AGPAT3: variants seen among roughly 807,000 people sequenced by gnomAD.
The protein encoded by AGPAT3 is 1-acyl-sn-glycerol-3-phosphate acyltransferase gamma.
AGPAT3 carries 5 observed loss-of-function variants against 47.3 expected under a neutral mutation model. The ratio of observed to expected loss-of-function variants is 0.11; its 90% CI spans 0.06 to 0.22. The LOEUF is 0.22. Ranked by LOEUF, AGPAT3 falls within the 10% of genes least tolerant of loss-of-function variation. The pLI is 1.00. For missense variants in AGPAT3, 315 were observed against 493.0 expected, an observed-to-expected ratio of 0.64 and a Z score of 3.42; for synonymous variants, 212 against 208.3, an observed-to-expected ratio of 1.02 and a Z score of -0.15.
intron 2 of AGPAT3, among the ~76,000 whole-genome samples, chr21:43,916,765 G>T (rs1227384528): frequency 2.0e-5 from 3 of 152,138 alleles, no homozygotes; most frequent in South Asian, 4.1e-4. Context: ...GTATTTTAGG[G>T]AGTTGCAGAT....
chr21:43,895,178 C>T (rs974090194), intron 1 of AGPAT3, among the ~76,000 whole-genome samples: 2 of 151,664 alleles, frequency 1.3e-5, no homozygotes, highest in African/African-American at 4.8e-5. Context: ...GATCTCGGCT[C>T]ACTGCAACCT....
At chr21:43,960,227 T>C (rs1006363521) in intron 3 of AGPAT3, among the ~76,000 whole-genome samples, 1 of 152,234 alleles carries the variant, frequency 6.6e-6, no homozygotes, top group African/African-American at 2.4e-5. Flanking sequence ...CACCAGAGCA[T>C]GCTGACGCGT....
chr21:43,878,699 T>C (rs1251132585), intron 1 of AGPAT3, among the ~76,000 whole-genome samples: 4 of 152,170 alleles, frequency 2.6e-5, no homozygotes, highest in Non-Finnish European at 5.9e-5. Context: ...AGAATGACAC[T>C]GTTGTAGATG....
intron 1 of AGPAT3, among the ~76,000 whole-genome samples, chr21:43,900,929 C>T (rs767491331): frequency 1.8e-4 from 27 of 152,288 alleles, no homozygotes; most frequent in Middle Eastern, 3.4e-3. Flanking sequence ...AGTTCACAGG[C>T]ACCAAGTTCA....
rs541613365 is a variant in AGPAT3 at position 43,984,023 on chromosome 21, G to A, written c.*1631G>A. The A allele has an allele frequency of 7.2e-5, 11 of 152,292 alleles. No individual in the cohort carries two copies. The highest frequency in any genetic ancestry group is 2.7e-4 in the African/African-American group (11 of 41,468). 9.4% of individuals were successfully genotyped at this position (152,292 alleles called of 1,614,324 possible). On this transcript the variant is annotated 3_prime_UTR_variant, in exon 10 of 10. Coordinates refer to ENST00000291572, the MANE Select transcript of AGPAT3 (RefSeq NM_020132.5). ...TGATGGAGGCGCTGCCGGGCCCCGG[G>A]TCTGTGGGGGCCGTGCTCTCAGGGC...
At chr21:43,874,400 G>A (rs9981944) in intron 1 of AGPAT3, among the ~76,000 whole-genome samples, 2,822 of 152,288 alleles carry the variant, frequency 0.019, 73 homozygotes, top group African/African-American at 0.065. Context: ...ATTTTGATAT[G>A]TAATATTTTC....
At chr21:43,892,317 AAAG>A (rs1392987396) in intron 1 of AGPAT3, among the ~76,000 whole-genome samples, 2 of 151,888 alleles carry the variant, frequency 1.3e-5, no homozygotes, top group African/African-American at 4.8e-5. Context: ...CAAAAAAAAA[AAAG>A]AAAAAAAAAG....
intron 2 of AGPAT3, among the ~76,000 whole-genome samples, chr21:43,918,179 G>C (rs1000556527): frequency 5.2e-5 from 5 of 96,680 alleles, no homozygotes; most frequent in Admixed American, 1.1e-4. Context: ...GGTGTTGTGG[G>C]AGTTGTGGGT....
intron 7 of AGPAT3, among the ~76,000 whole-genome samples, chr21:43,973,704 G>C (rs2089489570): frequency 6.6e-6 from 1 of 152,270 alleles, no homozygotes; most frequent in African/African-American, 2.4e-5. Context: ...AGGAGCAGCA[G>C]TGTCCCCGCG....
rs774771258 is a variant in AGPAT3 at position 43,952,898 on chromosome 21, G to A, written c.-48-6736G>A. ...CCTGTGTGGCTCTTCTATCCCAGGC[G>A]TTCTCCAAGGTCCCCAGGGTGCTGG... On this transcript the variant is annotated intron_variant, in intron 2 of 9. Transcript: ENST00000291572. The surrounding 1 kb of genome is among the most constrained non-coding windows in gnomAD (Gnocchi z 5.6). 3.3e-5 allele frequency among the ~76,000 whole-genome samples: 5 copies of A among 152,076 alleles called. No individual in the cohort carries two copies. Among genetic ancestry groups the A allele is most frequent in the Non-Finnish European group, 5.9e-5 (4 of 68,008 alleles).
intron 1 of AGPAT3, among the ~76,000 whole-genome samples, chr21:43,895,235 G>A (rs1047852928): frequency 6.6e-6 from 1 of 150,990 alleles, no homozygotes; most frequent in Admixed American, 6.6e-5. Context: ...CTCTGATGTA[G>A]CTGGGACTAC....
chr21:43,930,281 A>G lies in AGPAT3; in HGVS notation c.-49+26262A>G, dbSNP rs564159955. Among the ~76,000 whole-genome samples, 1 of 152,190 alleles carries G rather than the reference A, an allele frequency of 6.6e-6. No homozygotes were observed. Among genetic ancestry groups the G allele is most frequent in the Admixed American group, 6.5e-5 (1 of 15,296 alleles). ...GGTGGGGTAGGGGGCTCTGGTGCCAATACCAATGCAGCCCGGTTCCCTGTC... is the reference window on the plus strand; with the variant it reads ...GGTGGGGTAGGGGGCTCTGGTGCCAGTACCAATGCAGCCCGGTTCCCTGTC... On this transcript the variant is annotated intron_variant, in intron 2 of 9. Transcript: ENST00000291572. The surrounding 1 kb of genome is among the most constrained non-coding windows in gnomAD (Gnocchi z 5.0).
intron 1 of AGPAT3, among the ~76,000 whole-genome samples, chr21:43,886,797 A>C (rs985508908): frequency 6.6e-6 from 1 of 152,192 alleles, no homozygotes; most frequent in Admixed American, 6.5e-5. Flanking sequence ...TTATGGCTGA[A>C]TAATACTCCA....
chr21:43,938,226 C>T (rs1301953771), intron 2 of AGPAT3, among the ~76,000 whole-genome samples: 1 of 151,464 alleles, frequency 6.6e-6, no homozygotes, highest in Non-Finnish European at 1.5e-5. Context: ...CGCTAGAGAG[C>T]TAAGTTAGTT....
In AGPAT3 at chr21:43,938,775, C is replaced by A. The variant is rs962399717; in HGVS notation, c.-48-20859C>A. ...AACAGCAGACATCTATTATCTCACA[C>A]AGCTGCGGAGGGTCAGGAATCCAGG... On this transcript the variant is annotated intron_variant, in intron 2 of 9. Coordinates refer to ENST00000291572, the MANE Select transcript of AGPAT3 (RefSeq NM_020132.5). Among the ~76,000 whole-genome samples the A allele has an allele frequency of 7.9e-5, 12 of 152,210 alleles. No homozygotes were observed. The East Asian group carries it at 9.6e-4, about 12-fold the overall frequency.
rs1016464437 is a variant in AGPAT3 at position 43,986,925 on chromosome 21, C to T, written c.*4533C>T. On this transcript the variant is annotated 3_prime_UTR_variant, in exon 10 of 10. Coordinates refer to ENST00000291572, the MANE Select transcript of AGPAT3 (RefSeq NM_020132.5). ...GTATTTTTGGTCTTTAGAAGCTTGT[C>T]GGGGTGAGGGCTGCTAACTTACACT... Among the ~76,000 whole-genome samples the T allele has an allele frequency of 8.5e-5, 13 of 152,162 alleles. No homozygotes were observed. The highest frequency in any genetic ancestry group is 1.4e-4 in the African/African-American group (6 of 41,442).
chr21:43,935,478 T>A (rs1386886962), intron 2 of AGPAT3, among the ~76,000 whole-genome samples: 1 of 152,140 alleles, frequency 6.6e-6, no homozygotes, highest in Non-Finnish European at 1.5e-5. Context: ...GTCCCCACAG[T>A]TTTTACAGTG....
chr21:43,917,536 C>G (rs2086758682), intron 2 of AGPAT3, among the ~76,000 whole-genome samples: 1 of 152,162 alleles, frequency 6.6e-6, no homozygotes, highest in South Asian at 2.1e-4. Context: ...CTGGCAGAGT[C>G]CAATTAACAA....
Position 43,967,930 on chromosome 21 carries a change from C to A in AGPAT3, c.179-16C>A. On this transcript the variant is annotated splice_polypyrimidine_tract_variant and intron_variant, in intron 3 of 9. Coordinates refer to ENST00000291572, the MANE Select transcript of AGPAT3 (RefSeq NM_020132.5). ...GAGGGGTCCTACCAGTGCCAACGCC[C>A]TCCCCCTGTCCGCAGAACTGGTCAT... 1 of 1,612,012 alleles carries A rather than the reference C, an allele frequency of 6.2e-7. No homozygotes were observed. Among genetic ancestry groups the A allele is most frequent in the Non-Finnish European group, 8.5e-7 (1 of 1,178,590 alleles).
Sources: gnomAD v4.1 joint callset for allele counts (sites outside exome capture counted in the v4.1 genomes callset) on GRCh38, gnomAD v4.1.1 for gene constraint, Gnocchi (gnomAD v3.1) non-coding constraint, MANE v1.5 for transcripts, NCBI Gene and HGNC (gene_info 2026-07-23, HGNC 2026-07-21) for gene names.